Variants in BICD1 observed in about 807,000 individuals in gnomAD.
BICD1 encodes the protein BICD cargo adaptor 1.
BICD1 carries 35 observed loss-of-function variants against 92.5 expected under a neutral mutation model. The observed-to-expected ratio is 0.38, with a 90% CI of 0.29 to 0.50. The LOEUF (loss-of-function observed/expected upper bound fraction) is 0.50. Ranked by LOEUF, BICD1 falls within the 20% of genes least tolerant of loss-of-function variation. The probability of loss-of-function intolerance (pLI) is 0.93; values close to 1 mark genes in which losing one functional copy is unlikely to be tolerated. For synonymous variants in BICD1, 429 were observed against 465.1 expected (o/e 0.92, Z 1.00); for missense variants, 950 against 1,189.8 (o/e 0.80, Z 2.97).
intron 4 of BICD1, among the ~76,000 whole-genome samples, chr12:32,317,162 A>G (rs1192230400): frequency 3.9e-5 from 6 of 152,186 alleles, no homozygotes; most frequent in Non-Finnish European, 5.9e-5. Flanking sequence ...TGCCACAATA[A>G]ACATACGTGT....
At chr12:32,366,881 A>AT (rs947966936) in intron 8 of BICD1, among the ~76,000 whole-genome samples, 4 of 151,640 alleles carry the variant, frequency 2.6e-5, no homozygotes, top group African/African-American at 9.7e-5. Flanking sequence ...CTGCTCTTTG[A>AT]TTTTTTTTTA....
intron 2 of BICD1, among the ~76,000 whole-genome samples, chr12:32,280,655 AT>A (rs2136167600): frequency 6.6e-6 from 1 of 152,296 alleles, no homozygotes; most frequent in Admixed American, 6.5e-5. Context: ...CTATTTCTCC[AT>A]TGCTTTCAGC....
chr12:32,152,408 T>C (rs1210030208), intron 1 of BICD1, among the ~76,000 whole-genome samples: 4 of 152,122 alleles, frequency 2.6e-5, no homozygotes, highest in Non-Finnish European at 4.4e-5. Context: ...GCCACCATGC[T>C]CAGCTAATTT....
intron 5 of BICD1, among the ~76,000 whole-genome samples, chr12:32,332,163 C>T (rs1204869044): frequency 1.3e-5 from 2 of 151,990 alleles, no homozygotes; most frequent in African/African-American, 2.4e-5. Context: ...TAAGTGGGAG[C>T]TAAATGATGA....
At chr12:32,276,679 A>G (rs1947284423) in intron 2 of BICD1, among the ~76,000 whole-genome samples, 2 of 37,108 alleles carry the variant, frequency 5.4e-5, no homozygotes, top group African/African-American at 1.4e-4. Flanking sequence ...GCAAAAAAGA[A>G]AAAAAAAAGA....
intron 5 of BICD1, among the ~76,000 whole-genome samples, chr12:32,333,610 C>T (rs1937975524): frequency 1.3e-5 from 2 of 152,190 alleles, no homozygotes; most frequent in South Asian, 4.1e-4. Flanking sequence ...TATTTGTATA[C>T]ACTTTGAAAA....
chr12:32,178,667 G>T (rs557557981), intron 1 of BICD1, among the ~76,000 whole-genome samples: 1 of 151,996 alleles, frequency 6.6e-6, no homozygotes, highest in East Asian at 1.9e-4. Context: ...CCACTGCTCC[G>T]GGCTGTTCTA....
intron 1 of BICD1, among the ~76,000 whole-genome samples, chr12:32,142,453 C>CCTAT (rs71065001): frequency 0.015 from 1,733 of 112,862 alleles, 44 homozygotes; most frequent in African/African-American, 0.058. Flanking sequence ...ACCTATCTAT[C>CCTAT]CTATCTATCT....
intron 1 of BICD1, among the ~76,000 whole-genome samples, chr12:32,203,976 A>G (rs1944979765): frequency 6.6e-6 from 1 of 152,238 alleles, no homozygotes; most frequent in African/African-American, 2.4e-5. Context: ...CTTGCCATAC[A>G]TGTAACTGAC....
At chr12:32,227,529 G>C (rs1322060021) in intron 2 of BICD1, 1 of 152,718 alleles carries the variant, frequency 6.5e-6, no homozygotes, top group East Asian at 1.9e-4. Context: ...TTGGCTGCCA[G>C]AGCAGAGGGG....
At chr12:32,207,867 T>A (rs1302810836) in intron 1 of BICD1, among the ~76,000 whole-genome samples, 2 of 152,214 alleles carry the variant, frequency 1.3e-5, no homozygotes, top group African/African-American at 4.8e-5. Flanking sequence ...GCAGGAGGTT[T>A]AGTGTTTCAC....
chr12:32,346,614 G>A (rs1477019921), intron 8 of BICD1, among the ~76,000 whole-genome samples: 4 of 774 alleles, frequency 5.2e-3, no homozygotes, highest in Non-Finnish European at 0.011. Flanking sequence ...ATATATATAC[G>A]TGTATATATA....
At chr12:32,374,078 G>C (rs1472516852) in intron 9 of BICD1, among the ~76,000 whole-genome samples, 1 of 151,778 alleles carries the variant, frequency 6.6e-6, no homozygotes, top group Non-Finnish European at 1.5e-5. Flanking sequence ...GCCAGGTGTG[G>C]TGGCGCAGGC....
chr12:32,129,500 G>A (rs1226225702), intron 1 of BICD1, among the ~76,000 whole-genome samples: 2 of 146,092 alleles, frequency 1.4e-5, no homozygotes, highest in Non-Finnish European at 3.0e-5. Flanking sequence ...ACTCCAGCCT[G>A]GGCGACAGAG....
chr12:32,339,298 G>T, intron 8 of BICD1: 1 of 1,042,732 alleles, frequency 9.6e-7, no homozygotes, highest in Non-Finnish European at 1.2e-6. Context: ...AGCTCATGGC[G>T]ATTCCATCTT....
intron 1 of BICD1, among the ~76,000 whole-genome samples, chr12:32,204,912 ATTATGC>A (rs1945005360): frequency 6.6e-6 from 1 of 152,178 alleles, no homozygotes; most frequent in Non-Finnish European, 1.5e-5. Context: ...ATCCCTTTCT[ATTATGC>A]GAAGCTGGAT....
intron 1 of BICD1, among the ~76,000 whole-genome samples, chr12:32,133,489 GA>G (rs556254282): frequency 6.5e-4 from 93 of 142,346 alleles, no homozygotes; most frequent in Admixed American, 9.2e-4. Flanking sequence ...CTCCATCTGG[GA>G]AAAAAAAAAA....
chr12:32,304,626 G>A (rs1332704787), intron 3 of BICD1, among the ~76,000 whole-genome samples: 4 of 152,154 alleles, frequency 2.6e-5, no homozygotes, highest in East Asian at 1.9e-4. Context: ...GAGGCATGTC[G>A]GCTCAGAGGA....
chr12:32,158,548 C>A (rs1943511584), intron 1 of BICD1, among the ~76,000 whole-genome samples: 1 of 152,206 alleles, frequency 6.6e-6, no homozygotes, highest in Non-Finnish European at 1.5e-5. Flanking sequence ...AGGAAACACT[C>A]AACAAATATT....
Sources: gnomAD v4.1 joint callset for allele counts (sites outside exome capture counted in the v4.1 genomes callset) on GRCh38, gnomAD v4.1.1 for gene constraint, MANE v1.5 for transcripts, NCBI Gene and HGNC (gene_info 2026-07-23, HGNC 2026-07-21) for gene names.